Variants in SLC35F4 observed in about 807,000 individuals in gnomAD.
SLC35F4 encodes the protein chromosome 14 open reading frame 36.
In SLC35F4, 24 loss-of-function variants were observed where a neutral mutation model predicts 44.2. That is an observed-to-expected ratio of 0.54 (90% CI 0.39 to 0.76). The LOEUF is 0.76. SLC35F4 is among the 30% of genes least tolerant of loss of function. The pLI is 0.00. For missense variants in SLC35F4, 562 were observed against 586.1 expected (o/e 0.96, Z 0.42); for synonymous variants, 238 against 223.6 (o/e 1.06, Z -0.57).
intron 1 of SLC35F4, among the ~76,000 whole-genome samples, chr14:57,636,124 G>T (rs143628401): frequency 1.3e-5 from 2 of 152,202 alleles, no homozygotes; most frequent in East Asian, 3.9e-4. Flanking sequence ...TTAGACAATG[G>T]AGACATTAAG....
chr14:57,977,280 T>G (rs1881246184), intron 1 of SLC35F4, among the ~76,000 whole-genome samples: 1 of 152,156 alleles, frequency 6.6e-6, no homozygotes, highest in Non-Finnish European at 1.5e-5. Context: ...CTGCAGCAGA[T>G]GAAGTGTGGT....
At chr14:57,912,315 C>A (rs575911027) in intron 1 of SLC35F4, among the ~76,000 whole-genome samples, 1 of 151,878 alleles carries the variant, frequency 6.6e-6, no homozygotes, top group East Asian at 1.9e-4. Context: ...AATTTGCACA[C>A]TTTTTCTAAT....
chr14:57,798,735 G>A (rs1250313372), intron 1 of SLC35F4, among the ~76,000 whole-genome samples: 1 of 152,178 alleles, frequency 6.6e-6, no homozygotes, highest in Non-Finnish European at 1.5e-5. Flanking sequence ...AATGGTAAAT[G>A]TTGCCATTTG....
rs746021211 is a variant in SLC35F4, at chr14:57,593,990, G to T, written c.238C>A (p.Gln80Lys). The change falls in exon 2 of 8, where the codon CAA becomes AAA. Residue 80 changes from glutamine (Q) to lysine (K), a missense_variant. Physicochemically the swap from Gln to Lys is moderately conservative, Grantham distance 53. Transcript: ENST00000556826. ...SSAPILELQN[Q>K]GSSGVCGHRV... ...TGTCCACAAACTCCTGAGGATCCTT[G>T]GTTTTGAAGTTCAAGAATAGGAGCA... The T allele has an allele frequency of 5.0e-6, 8 of 1,613,862 alleles. No individual in the cohort carries two copies. The Admixed American group carries it at 1.3e-4, about 27-fold the overall frequency.
At chr14:57,633,606 T>C (rs2072889107) in intron 1 of SLC35F4, among the ~76,000 whole-genome samples, 1 of 152,102 alleles carries the variant, frequency 6.6e-6, no homozygotes, top group Non-Finnish European at 1.5e-5. Context: ...ACCACACACA[T>C]AGATTTGTGT....
chr14:57,760,368 A>C (rs955267058), intron 1 of SLC35F4, among the ~76,000 whole-genome samples: 2 of 152,114 alleles, frequency 1.3e-5, no homozygotes, highest in African/African-American at 4.8e-5. Flanking sequence ...TGGACTGTCT[A>C]TTTTATTCCA....
In SLC35F4 at chr14:57,669,139, A is replaced by G. The variant is rs549420298; in HGVS notation, c.104-75015T>C. ...TGATTTGGCTCTCTGTTTGTCTGTT[A>G]TTGGTGTATAAGACTGCTTGTGATT... On this transcript the variant is annotated intron_variant, in intron 1 of 7. Coordinates refer to ENST00000556826, the MANE Select transcript of SLC35F4 (RefSeq NM_001306087.2). Among the ~76,000 whole-genome samples the G allele has an allele frequency of 2.8e-3, 433 of 152,062 alleles. 6 individuals carry two copies. The highest frequency in any genetic ancestry group is 0.01 in the African/African-American group (415 of 41,408).
At chr14:57,642,335 A>G (rs1383375175) in intron 1 of SLC35F4, among the ~76,000 whole-genome samples, 1 of 152,000 alleles carries the variant, frequency 6.6e-6, no homozygotes, top group Non-Finnish European at 1.5e-5. Context: ...GGCTGATTTT[A>G]TATTAACAAC....
intron 1 of SLC35F4, among the ~76,000 whole-genome samples, chr14:57,862,303 A>G (rs9989232): frequency 0.076 from 11,597 of 152,202 alleles, 620 homozygotes; most frequent in African/African-American, 0.15. Context: ...AGCCACCATC[A>G]TGTCTCACCT....
intron 1 of SLC35F4, among the ~76,000 whole-genome samples, chr14:57,874,434 A>G (rs1888355828): frequency 6.6e-6 from 1 of 152,236 alleles, no homozygotes; most frequent in Non-Finnish European, 1.5e-5. Context: ...AGTTTTCATC[A>G]GAAGCCTAGG....
At position 57,566,532 on chromosome 14, in the gene SLC35F4, G is replaced by A; in HGVS notation, c.1159C>T (p.Leu387=). ...FNILVNVGVV[L]TYPILISIGT... is the part of the protein sequence containing the mutation. ...ATGGAGATTAGGATTGGGTATGTCAGCACCACCCCAACATTCACCAGGATG... is the reference window on the plus strand; with the variant it reads ...ATGGAGATTAGGATTGGGTATGTCAACACCACCCCAACATTCACCAGGATG... Residue 387 remains leucine (L), a synonymous_variant, in exon 7 of 8, where the codon CTG becomes TTG. Coordinates refer to ENST00000556826, the MANE Select transcript of SLC35F4 (RefSeq NM_001306087.2). 2 of 1,602,508 alleles carry A rather than the reference G, an allele frequency of 1.2e-6. No homozygotes were observed. Among genetic ancestry groups the A allele is most frequent in the African/African-American group, 1.3e-5 (1 of 74,878 alleles).
At chr14:57,836,175 G>T (rs1595174379) in intron 1 of SLC35F4, among the ~76,000 whole-genome samples, 1 of 152,292 alleles carries the variant, frequency 6.6e-6, no homozygotes, top group East Asian at 1.9e-4. Flanking sequence ...TTTAACTAAT[G>T]ACTTACCTAC....
intron 1 of SLC35F4, among the ~76,000 whole-genome samples, chr14:57,841,549 G>A (rs2140961750): frequency 6.6e-6 from 1 of 152,254 alleles, no homozygotes; most frequent in Non-Finnish European, 1.5e-5. Flanking sequence ...CACATGATTA[G>A]AACCAGACCT....
chr14:57,925,582 T>C (rs2783241), intron 1 of SLC35F4, among the ~76,000 whole-genome samples: 25,549 of 134,534 alleles, frequency 0.19, 2,852 homozygotes, highest in East Asian at 0.26. Flanking sequence ...AGGAGAGTCC[T>C]GGAGTAAATA....
chr14:57,572,814 T>A (rs2068582689), intron 4 of SLC35F4, among the ~76,000 whole-genome samples: 1 of 152,242 alleles, frequency 6.6e-6, no homozygotes, highest in Non-Finnish European at 1.5e-5. Flanking sequence ...CTTAGTGAAT[T>A]GCTGCTTTGT....
At chr14:57,617,433 C>G (rs2071908396) in intron 1 of SLC35F4, among the ~76,000 whole-genome samples, 1 of 151,946 alleles carries the variant, frequency 6.6e-6, no homozygotes. Flanking sequence ...CCTGGCCTAA[C>G]TGTAGTTATT....
Position 57,772,520 on chromosome 14 carries a change from C to T in SLC35F4, c.103+93203G>A, listed in dbSNP as rs1023877291. 1.5e-4 allele frequency among the ~76,000 whole-genome samples: 23 copies of T among 152,280 alleles called. No homozygotes were observed. In the Middle Eastern group the frequency reaches 0.01, roughly 68 times the overall value. ...ATAGGTAATTTTTCAACCTTCACCCCACTCTCACTTTTCTCCTTTTGGAGT... is the reference window on the plus strand; with the variant it reads ...ATAGGTAATTTTTCAACCTTCACCCTACTCTCACTTTTCTCCTTTTGGAGT... On this transcript the variant is annotated intron_variant, in intron 1 of 7. Coordinates refer to ENST00000556826, the MANE Select transcript of SLC35F4 (RefSeq NM_001306087.2).
chr14:57,606,344 A>T (rs2071164579), intron 1 of SLC35F4, among the ~76,000 whole-genome samples: 2 of 152,188 alleles, frequency 1.3e-5, no homozygotes, highest in African/African-American at 4.8e-5. Flanking sequence ...AAACCCATAC[A>T]AATAACTTAA....
intron 1 of SLC35F4, among the ~76,000 whole-genome samples, chr14:57,951,866 G>T (rs142834418): frequency 6.6e-6 from 1 of 152,328 alleles, no homozygotes; most frequent in Non-Finnish European, 1.5e-5. Flanking sequence ...AGCTTCAGCA[G>T]ACTTAGATGT....
Sources: gnomAD v4.1 joint callset for allele counts (sites outside exome capture counted in the v4.1 genomes callset) on GRCh38, gnomAD v4.1.1 for gene constraint, MANE v1.5 for transcripts, NCBI Gene and HGNC (gene_info 2026-07-23, HGNC 2026-07-21) for gene names.